Variants in CDH13 observed in about 807,000 individuals in gnomAD.
The protein encoded by CDH13 is cadherin 13.
A neutral mutation model predicts 63.8 loss-of-function variants in CDH13; 24 were observed. The ratio of observed to expected loss-of-function variants is 0.38; its 90% CI spans 0.27 to 0.53. CDH13 has a LOEUF of 0.53. CDH13 is among the 20% of genes least tolerant of loss of function. CDH13 has a pLI of 0.85. For synonymous variants in CDH13, 503 were observed against 355.3 expected, an observed-to-expected ratio of 1.42 and a Z score of -4.67; for missense variants, 1,049 against 903.1, an observed-to-expected ratio of 1.16 and a Z score of -2.07.
intron 4 of CDH13, among the ~76,000 whole-genome samples, chr16:83,142,103 C>T (rs886896661): frequency 1.4e-4 from 21 of 151,192 alleles, no homozygotes; most frequent in African/African-American, 4.6e-4. Flanking sequence ...ATCTGGTGAG[C>T]ATAAGTTCTA....
intron 6 of CDH13, among the ~76,000 whole-genome samples, chr16:83,447,766 T>C (rs747063960): frequency 4.6e-4 from 68 of 149,154 alleles, no homozygotes; most frequent in Non-Finnish European, 2.7e-4. Flanking sequence ...ATATATTAAA[T>C]ATTGATTTAT....
chr16:83,240,057 G>T (rs570726081), intron 5 of CDH13, among the ~76,000 whole-genome samples: 2 of 152,322 alleles, frequency 1.3e-5, no homozygotes, highest in South Asian at 4.1e-4. Flanking sequence ...GCAGGAGGTT[G>T]GGTGCAGGGG....
chr16:82,699,170 A>C (rs1302867610), intron 1 of CDH13, among the ~76,000 whole-genome samples: 1 of 152,212 alleles, frequency 6.6e-6, no homozygotes, highest in Non-Finnish European at 1.5e-5. Flanking sequence ...TATTTCTAAT[A>C]GCTCCCCTTT....
intron 1 of CDH13, among the ~76,000 whole-genome samples, chr16:82,846,376 C>T (rs1244513292): frequency 6.6e-6 from 1 of 151,898 alleles, no homozygotes; most frequent in African/African-American, 2.4e-5. Flanking sequence ...TATATATCAG[C>T]TATCAATATA....
At chr16:82,629,251 C>G (rs2150863195) in intron 1 of CDH13, among the ~76,000 whole-genome samples, 1 of 152,288 alleles carries the variant, frequency 6.6e-6, no homozygotes, top group East Asian at 1.9e-4. Context: ...AAGGCTCACT[C>G]TATTTATTTA....
intron 6 of CDH13, among the ~76,000 whole-genome samples, chr16:83,426,070 C>G (rs1345779392): frequency 1.3e-5 from 2 of 152,146 alleles, no homozygotes; most frequent in African/African-American, 4.8e-5. Flanking sequence ...TCCAATGTTT[C>G]AAAGCTAGGA....
intron 9 of CDH13, among the ~76,000 whole-genome samples, chr16:83,674,502 T>TA (rs970435182): frequency 7.2e-5 from 11 of 152,218 alleles, no homozygotes; most frequent in African/African-American, 2.7e-4. Context: ...ACCAATGACA[T>TA]ACGTTCTTCC....
intron 7 of CDH13, among the ~76,000 whole-genome samples, chr16:83,529,866 T>G (rs1227561904): frequency 3.3e-5 from 5 of 152,250 alleles, no homozygotes; most frequent in African/African-American, 1.2e-4. Context: ...ACATTTCTGT[T>G]ATTTTCATAT....
intron 8 of CDH13, among the ~76,000 whole-genome samples, chr16:83,656,423 T>G (rs1301199437): frequency 6.6e-6 from 1 of 152,140 alleles, no homozygotes; most frequent in Non-Finnish European, 1.5e-5. Flanking sequence ...ATGCTGGCTG[T>G]GACTTGGCAC....
intron 8 of CDH13, among the ~76,000 whole-genome samples, chr16:83,619,577 T>C (rs1329897276): frequency 6.6e-6 from 1 of 152,192 alleles, no homozygotes; most frequent in Non-Finnish European, 1.5e-5. Context: ...GTCCCCACAC[T>C]TCTGGTGGCC....
chr16:83,588,520 C>T (rs1191615163), intron 7 of CDH13, among the ~76,000 whole-genome samples: 1 of 152,154 alleles, frequency 6.6e-6, no homozygotes. Flanking sequence ...TGTCTTGGGA[C>T]CTCAGTGTCT....
chr16:83,153,820 C>G (rs1015556361), intron 4 of CDH13, among the ~76,000 whole-genome samples: 1 of 152,056 alleles, frequency 6.6e-6, no homozygotes, highest in Admixed American at 6.5e-5. Context: ...TGTGGCATTT[C>G]GGTTTTTTGT....
intron 7 of CDH13, among the ~76,000 whole-genome samples, chr16:83,588,509 G>A (rs932918388): frequency 6.6e-6 from 1 of 152,232 alleles, no homozygotes; most frequent in Admixed American, 6.5e-5. Flanking sequence ...CATACAGGCA[G>A]TGTCTTGGGA....
At chr16:83,103,244 T>A (rs1372757622) in intron 3 of CDH13, among the ~76,000 whole-genome samples, 1 of 49,502 alleles carries the variant, frequency 2.0e-5, no homozygotes, top group Non-Finnish European at 3.9e-5. Context: ...TTAACTGAAC[T>A]TTTTTTTTTT....
At chr16:83,469,363 A>T (rs1167119151) in intron 6 of CDH13, among the ~76,000 whole-genome samples, 1 of 152,210 alleles carries the variant, frequency 6.6e-6, no homozygotes, top group Non-Finnish European at 1.5e-5. Flanking sequence ...TATCCTGAGG[A>T]AGAAAATATT....
In CDH13 at chr16:82,967,842, T is replaced by C. The variant is rs1015624339; in HGVS notation, c.158-64168T>C. Among the ~76,000 whole-genome samples, 3 of 152,230 alleles carry C rather than the reference T, an allele frequency of 2.0e-5. No homozygotes were observed. The South Asian group carries it at 6.2e-4, about 32-fold the overall frequency. On this transcript the variant is annotated intron_variant, in intron 2 of 13. Transcript: ENST00000567109. ...GGTGGTGTCTGCCAGGTTTCTCCTA[T>C]ATAAACTTAATTTTTCCTCCTTTGT...
intron 4 of CDH13, among the ~76,000 whole-genome samples, chr16:83,191,208 G>A (rs560222818): frequency 7.7e-5 from 11 of 143,424 alleles, no homozygotes; most frequent in Non-Finnish European, 1.5e-4. Context: ...AGGGTCATAC[G>A]AGATAATACA....
At chr16:83,234,220 C>G (rs1356662182) in intron 5 of CDH13, among the ~76,000 whole-genome samples, 3 of 152,192 alleles carry the variant, frequency 2.0e-5, no homozygotes, top group African/African-American at 7.2e-5. Flanking sequence ...CAGTCTTTTG[C>G]AAATCTTCCT....
At chr16:82,877,370 G>C (rs1375062512) in intron 2 of CDH13, among the ~76,000 whole-genome samples, 1 of 152,206 alleles carries the variant, frequency 6.6e-6, no homozygotes, top group African/African-American at 2.4e-5. Context: ...TCCTGGTTTA[G>C]AGCCTTATGT....
Sources: allele counts gnomAD v4.1 joint callset (sites outside exome capture counted in the v4.1 genomes callset), GRCh38; gene constraint gnomAD v4.1.1; transcripts MANE v1.5; gene names NCBI Gene and HGNC (gene_info 2026-07-23, HGNC 2026-07-21).